Variants in ACTL8 observed in about 807,000 individuals in gnomAD.
ACTL8 encodes the protein actin-like protein 8.
Under a neutral mutation model 9.3 loss-of-function variants are expected in ACTL8, and 3 were observed. The observed-to-expected ratio is 0.32, with a 90% CI of 0.15 to 0.83. The LOEUF (loss-of-function observed/expected upper bound fraction) is 0.83, where lower values mean the gene tolerates loss of function less well. ACTL8 is among the 40% of genes least tolerant of loss of function. The pLI, the probability that ACTL8 is intolerant of heterozygous loss-of-function variation, is 0.57. For synonymous variants in ACTL8, 224 were observed against 205.9 expected, an observed-to-expected ratio of 1.09 and a Z score of -0.75; for missense variants, 381 against 492.2, an observed-to-expected ratio of 0.77 and a Z score of 2.14.
At chr1:17,775,891 A>C (rs1175397600) in intron 1 of ACTL8, among the ~76,000 whole-genome samples, 1 of 152,154 alleles carries the variant, frequency 6.6e-6, no homozygotes, top group Non-Finnish European at 1.5e-5. Flanking sequence ...GGGGCTTCTT[A>C]GAGCTAGGAC....
intron 2 of ACTL8, 88 bp from the exon 3 acceptor site, chr1:17,825,679 C>T: frequency 1.3e-6 from 2 of 1,504,964 alleles, no homozygotes; most frequent in South Asian, 1.3e-5. Context: ...CGAGAGTCCC[C>T]CCGAGGATGG....
intron 1 of ACTL8, among the ~76,000 whole-genome samples, chr1:17,764,159 T>C (rs1314161537): frequency 6.6e-6 from 1 of 152,118 alleles, no homozygotes; most frequent in Non-Finnish European, 1.5e-5. Context: ...GGTGGGCAGC[T>C]ATGGTCCAGT....
chr1:17,758,603 C>T (rs1424603256), intron 1 of ACTL8, among the ~76,000 whole-genome samples: 1 of 152,130 alleles, frequency 6.6e-6, no homozygotes, highest in Non-Finnish European at 1.5e-5. Flanking sequence ...GACCATTTAC[C>T]AAAATAATAG....
In ACTL8 at chr1:17,762,344, G is replaced by A. The variant is rs144678532; in HGVS notation, c.-25+6840G>A. 4.6e-5 allele frequency among the ~76,000 whole-genome samples: 7 copies of A among 152,164 alleles called. No individual in the cohort carries two copies. In the East Asian group the frequency reaches 1.4e-3, roughly 30 times the overall value. On this transcript the variant is annotated intron_variant, in intron 1 of 2. Coordinates refer to ENST00000375406, the MANE Select transcript of ACTL8 (RefSeq NM_030812.3). ...CTGGTCCACGCAGAAAGGAAGGATG[G>A]CTACTTTCTGTTCCTCCCCTGACCA...
chr1:17,810,557 CT>C (rs931835483), intron 1 of ACTL8, among the ~76,000 whole-genome samples: 1 of 152,094 alleles, frequency 6.6e-6, no homozygotes, highest in African/African-American at 2.4e-5. Context: ...GCGAGACTCG[CT>C]TTTTTTGATG....
In ACTL8 at chr1:17,807,221, C is replaced by T. The variant is rs190363465; in HGVS notation, c.-24-15764C>T. 4.6e-5 allele frequency among the ~76,000 whole-genome samples: 7 copies of T among 152,316 alleles called. No individual in the cohort carries two copies. In the East Asian group the frequency reaches 9.7e-4, roughly 21 times the overall value. Reference sequence around the variant, plus strand: ...TAATTCCATCCGCAGTCTTCATTCCCCTTGGTCTTGTAATCTGACATAGTC... The same window carrying T: ...TAATTCCATCCGCAGTCTTCATTCCTCTTGGTCTTGTAATCTGACATAGTC... On this transcript the variant is annotated intron_variant, in intron 1 of 2. Transcript: ENST00000375406.
Position 17,826,592 on chromosome 1 carries a change from TG to T in ACTL8, c.*76del. The T allele has an allele frequency of 7.3e-7, 1 of 1,372,986 alleles. No homozygotes were observed. The highest frequency in any genetic ancestry group is 9.6e-7 in the Non-Finnish European group (1 of 1,037,076). 85.1% of individuals were successfully genotyped at this position (1,372,986 alleles called of 1,614,324 possible). On this transcript the variant is annotated 3_prime_UTR_variant, in exon 3 of 3. Transcript: ENST00000375406. The surrounding 1 kb of genome is among the most constrained non-coding windows in gnomAD (Gnocchi z 4.5). ...GCGGATTAATTTTAGCAAAATGTTCTGGGTGGGGGTAGAATGAGGTGGGGTG... is the reference window on the plus strand; with the variant it reads ...GCGGATTAATTTTAGCAAAATGTTCTGGTGGGGGTAGAATGAGGTGGGGTG...
rs12566723 is a variant in ACTL8, at chr1:17,815,978, G to A, written c.-24-7007G>A. ...GTTTTTATTTTTTATTCTAAATTAA[G>A]AATTTACAATTGTATAAATGTATGG... On this transcript the variant is annotated intron_variant, in intron 1 of 2. Coordinates refer to ENST00000375406, the MANE Select transcript of ACTL8 (RefSeq NM_030812.3). 3.9e-3 allele frequency among the ~76,000 whole-genome samples: 598 copies of A among 152,076 alleles called. 13 individuals carry two copies. In the East Asian group the frequency reaches 0.065, roughly 17 times the overall value.
chr1:17,756,355 G>A (rs2065969234), intron 1 of ACTL8, among the ~76,000 whole-genome samples: 1 of 151,912 alleles, frequency 6.6e-6, no homozygotes, highest in African/African-American at 2.4e-5. Flanking sequence ...GTTCTTCCTT[G>A]AGAGCTTTGT....
rs2296035 is a variant in ACTL8 at position 17,823,071 on chromosome 1, C to A, written c.63C>A (p.Gly21=). ...GCTTTTTGAAGGCTGGCACGGCCGG[C>A]TGGAATGAGCCTCAGATGGTCTTCC... ...GSGFLKAGTA[G]WNEPQMVFPN... Residue 21 remains glycine (G), a synonymous_variant, in exon 2 of 3, where the codon GGC becomes GGA. Coordinates refer to ENST00000375406, the MANE Select transcript of ACTL8 (RefSeq NM_030812.3). This position sits in a 1 kb window ranked among gnomAD's most constrained non-coding sequence, Gnocchi z 5.3. 0.48 allele frequency: 768,337 copies of A among 1,613,900 alleles called. 186,865 individuals carry two copies. Among genetic ancestry groups the A allele is most frequent in the East Asian group, 0.68 (30,609 of 44,832 alleles).
chr1:17,798,820 G>A (rs1386079326), intron 1 of ACTL8, among the ~76,000 whole-genome samples: 1 of 152,154 alleles, frequency 6.6e-6, no homozygotes, highest in East Asian at 1.9e-4. Flanking sequence ...AGCCACGTGT[G>A]TGTTGTCCTC....
chr1:17,780,376 C>T (rs188831718), intron 1 of ACTL8, among the ~76,000 whole-genome samples: 34 of 152,184 alleles, frequency 2.2e-4, no homozygotes, highest in African/African-American at 7.2e-4. Flanking sequence ...GTGGAGTCTG[C>T]GGAGGGGCTG....
rs1180052236 is a variant in ACTL8, at chr1:17,823,839, G to C, written c.348+483G>C. On this transcript the variant is annotated intron_variant, in intron 2 of 2. Transcript: ENST00000375406. This position sits in a 1 kb window ranked among gnomAD's most constrained non-coding sequence, Gnocchi z 5.3. ...GCCACTAAGCAGGGGAGCTCACGGA[G>C]GCCCCACCTGCAGACGGACATGCAG... is the stretch of plus-strand genomic sequence containing the variant. Among the ~76,000 whole-genome samples the C allele has an allele frequency of 6.6e-6, 1 of 152,188 alleles. No individual in the cohort carries two copies. The highest frequency in any genetic ancestry group is 1.5e-5 in the Non-Finnish European group (1 of 68,048).
At chr1:17,769,238 C>A (rs1169191706) in intron 1 of ACTL8, among the ~76,000 whole-genome samples, 1 of 152,084 alleles carries the variant, frequency 6.6e-6, no homozygotes, top group Non-Finnish European at 1.5e-5. Flanking sequence ...CCCAGTATCC[C>A]TAGAGCACAT....
chr1:17,767,287 G>A lies in ACTL8; in HGVS notation c.-25+11783G>A, dbSNP rs914573369. 3.3e-5 allele frequency among the ~76,000 whole-genome samples: 5 copies of A among 152,058 alleles called. No homozygotes were observed. The highest frequency in any genetic ancestry group is 4.8e-5 in the African/African-American group (2 of 41,378). On this transcript the variant is annotated intron_variant, in intron 1 of 2. Coordinates refer to ENST00000375406, the MANE Select transcript of ACTL8 (RefSeq NM_030812.3). This position sits in a 1 kb window ranked among gnomAD's most constrained non-coding sequence, Gnocchi z 4.7. ...AGTGAGGAGATGCTGGGGTTGCATC[G>A]GATGATAGGATCCGACTTCGCTGCT...
intron 1 of ACTL8, among the ~76,000 whole-genome samples, chr1:17,773,486 CA>C (rs2066097384): frequency 6.6e-6 from 1 of 152,208 alleles, no homozygotes; most frequent in African/African-American, 2.4e-5. Flanking sequence ...TAGCCAAATA[CA>C]GTGGTAGGTG....
At chr1:17,807,088 A>G (rs1011335168) in intron 1 of ACTL8, among the ~76,000 whole-genome samples, 11 of 151,908 alleles carry the variant, frequency 7.2e-5, no homozygotes, top group South Asian at 2.1e-4. Flanking sequence ...TCTTTCTCTG[A>G]CTCTGGCCAT....
Position 17,826,596 on chromosome 1 carries a change from T to G in ACTL8, c.*77T>G. On this transcript the variant is annotated 3_prime_UTR_variant, in exon 3 of 3. Coordinates refer to ENST00000375406, the MANE Select transcript of ACTL8 (RefSeq NM_030812.3). The surrounding 1 kb of genome is among the most constrained non-coding windows in gnomAD (Gnocchi z 4.5). ...ATTAATTTTAGCAAAATGTTCTGGG[T>G]GGGGGTAGAATGAGGTGGGGTGGGG... 9.6e-6 allele frequency: 13 copies of G among 1,358,186 alleles called. No homozygotes were observed. The highest frequency in any genetic ancestry group is 8.8e-6 in the Non-Finnish European group (9 of 1,026,302). The allele number at this position is 1,358,186 out of a possible 1,614,324, so 84.1% of individuals were successfully genotyped here.
chr1:17,758,823 C>A (rs1488879381), intron 1 of ACTL8, among the ~76,000 whole-genome samples: 1 of 152,162 alleles, frequency 6.6e-6, no homozygotes, highest in Non-Finnish European at 1.5e-5. Context: ...CCTGAATAAA[C>A]AATTAGAGTA....
Sources: allele counts gnomAD v4.1 joint callset (sites outside exome capture counted in the v4.1 genomes callset), GRCh38; gene constraint gnomAD v4.1.1; non-coding constraint Gnocchi (gnomAD v3.1); transcripts MANE v1.5; gene names NCBI Gene and HGNC (gene_info 2026-07-23, HGNC 2026-07-21).